The following CTNNA3 variants were observed in gnomAD, a reference collection of about 807,000 sequenced individuals.
CTNNA3 encodes the protein catenin alpha-3.
A neutral mutation model predicts 95.7 loss-of-function variants in CTNNA3; 76 were observed. The ratio of observed to expected loss-of-function variants is 0.79; its 90% CI spans 0.66 to 0.96. The LOEUF is 0.96. CTNNA3 is among the 40% of genes least tolerant of loss of function. The pLI, the probability that CTNNA3 is intolerant of heterozygous loss-of-function variation, is 0.00. For synonymous variants in CTNNA3, 431 were observed against 374.4 expected (o/e 1.15, Z -1.74); for missense variants, 1,191 against 1,089.8 (o/e 1.09, Z -1.31).
intron 10 of CTNNA3, among the ~76,000 whole-genome samples, chr10:66,590,391 C>T (rs959523163): frequency 2.0e-5 from 3 of 152,064 alleles, no homozygotes; most frequent in African/African-American, 7.2e-5. Flanking sequence ...TACCAGACAA[C>T]TGGATACTGG....
intron 13 of CTNNA3, among the ~76,000 whole-genome samples, chr10:66,211,343 G>C (rs1243776756): frequency 6.6e-6 from 1 of 152,190 alleles, no homozygotes; most frequent in Non-Finnish European, 1.5e-5. Flanking sequence ...AAGGGCTCCA[G>C]ATATGGGGAC....
At chr10:65,952,890 C>A (rs888577030) in intron 17 of CTNNA3, among the ~76,000 whole-genome samples, 12 of 152,266 alleles carry the variant, frequency 7.9e-5, no homozygotes, top group African/African-American at 2.9e-4. Flanking sequence ...GGCTTTGGCA[C>A]ACCTGCCTCA....
intron 7 of CTNNA3, among the ~76,000 whole-genome samples, chr10:66,845,703 CAAAAAA>C (rs61085873): frequency 0.15 from 3,527 of 23,546 alleles, 415 homozygotes; most frequent in African/African-American, 0.34. Context: ...AACTCTGTCT[CAAAAAA>C]AAAAAAAAAA....
intron 7 of CTNNA3, among the ~76,000 whole-genome samples, chr10:66,813,868 G>C (rs202233028): frequency 7.3e-6 from 1 of 137,194 alleles, no homozygotes; most frequent in African/African-American, 2.7e-5. Context: ...GTGTGTGTGT[G>C]TGTTTGAAAG....
chr10:66,503,475 A>ATT (rs71466884), intron 11 of CTNNA3, among the ~76,000 whole-genome samples: 22,720 of 149,304 alleles, frequency 0.15, 1,753 homozygotes, highest in Middle Eastern at 0.18. Context: ...CCAAAAACAG[A>ATT]TTTTTTTTTT....
chr10:67,583,937 G>T (rs1034778430), intron 3 of CTNNA3, among the ~76,000 whole-genome samples: 2 of 152,082 alleles, frequency 1.3e-5, no homozygotes, highest in African/African-American at 4.8e-5. Context: ...TCTCTATGCT[G>T]CTTATTCTAG....
intron 13 of CTNNA3, among the ~76,000 whole-genome samples, chr10:66,278,897 T>C (rs556076174): frequency 3.8e-4 from 58 of 152,200 alleles, no homozygotes; most frequent in African/African-American, 1.3e-3. Flanking sequence ...TTATTACTAG[T>C]CCACTAATCC....
Position 67,089,124 on chromosome 10 carries a change from A to G in CTNNA3, c.1047+91193T>C, listed in dbSNP as rs541997999. Among the ~76,000 whole-genome samples, 246 of 152,068 alleles carry G rather than the reference A, an allele frequency of 1.6e-3. 1 individual carries two copies. The highest frequency in any genetic ancestry group is 5.6e-3 in the African/African-American group (233 of 41,516). On this transcript the variant is annotated intron_variant, in intron 7 of 17. Coordinates refer to ENST00000433211, the MANE Select transcript of CTNNA3 (RefSeq NM_013266.4). The stretch of plus-strand genomic sequence containing the variant: ...CTTACATAAACCTAAGGGACCCCCC[A>G]TAGGTTTTGCTATCGGGAGTCCTAG...
intron 1 of CTNNA3, among the ~76,000 whole-genome samples, chr10:67,749,168 C>T (rs1841390922): frequency 6.6e-6 from 1 of 152,064 alleles, no homozygotes; most frequent in South Asian, 2.1e-4. Context: ...AAAACAAGTT[C>T]CTAGAGACCT....
chr10:65,938,018 T>C (rs1589148902), intron 17 of CTNNA3, among the ~76,000 whole-genome samples: 2 of 110,382 alleles, frequency 1.8e-5, no homozygotes, highest in Admixed American at 2.0e-4. Flanking sequence ...TGATGTTGTC[T>C]TTGATAAGAA....
intron 14 of CTNNA3, among the ~76,000 whole-genome samples, chr10:66,099,788 T>C (rs1209291097): frequency 1.3e-5 from 2 of 152,200 alleles, no homozygotes; most frequent in Non-Finnish European, 2.9e-5. Context: ...ATTCCATTAA[T>C]GATACATCAG....
intron 13 of CTNNA3, among the ~76,000 whole-genome samples, chr10:66,112,074 T>C (rs1023353178): frequency 1.3e-5 from 2 of 152,186 alleles, no homozygotes; most frequent in African/African-American, 4.8e-5. Flanking sequence ...TCAACGCTAG[T>C]GAAGATTCGG....
At chr10:67,280,898 T>G (rs990032928) in intron 5 of CTNNA3, among the ~76,000 whole-genome samples, 1 of 152,198 alleles carries the variant, frequency 6.6e-6, no homozygotes, top group Non-Finnish European at 1.5e-5. Flanking sequence ...TACCCATGTA[T>G]GTGCACAATA....
At chr10:67,333,644 C>T (rs1841880759) in intron 5 of CTNNA3, among the ~76,000 whole-genome samples, 1 of 152,110 alleles carries the variant, frequency 6.6e-6, no homozygotes, top group African/African-American at 2.4e-5. Context: ...ATTTCATACC[C>T]ATGCTATTTT....
chr10:67,446,205 C>T (rs895530308), intron 5 of CTNNA3, among the ~76,000 whole-genome samples: 3 of 152,120 alleles, frequency 2.0e-5, no homozygotes, highest in African/African-American at 4.8e-5. Context: ...TAAGCCTACA[C>T]CCCTTCTAAC....
intron 5 of CTNNA3, among the ~76,000 whole-genome samples, chr10:67,504,978 C>CA (rs894277405): frequency 4.8e-4 from 73 of 152,266 alleles, no homozygotes; most frequent in African/African-American, 1.7e-3. Flanking sequence ...TAACTATGCC[C>CA]AATCTTAATA....
chr10:66,617,739 G>A (rs1844575803), intron 10 of CTNNA3, among the ~76,000 whole-genome samples: 1 of 151,986 alleles, frequency 6.6e-6, no homozygotes, highest in African/African-American at 2.4e-5. Context: ...AGAAATAAAG[G>A]GTATTCAGTT....
intron 13 of CTNNA3, among the ~76,000 whole-genome samples, chr10:66,234,811 A>C (rs1422216090): frequency 6.6e-6 from 1 of 152,202 alleles, no homozygotes; most frequent in Non-Finnish European, 1.5e-5. Context: ...TATGAACAGA[A>C]TGAAGCAAAA....
In CTNNA3 at chr10:66,458,664, A is replaced by G. The variant is rs181482842; in HGVS notation, c.1531+61953T>C. On this transcript the variant is annotated intron_variant, in intron 11 of 17. Coordinates refer to ENST00000433211, the MANE Select transcript of CTNNA3 (RefSeq NM_013266.4). ...TTAACTATTCTAGGTGTGTCTTATT[A>G]GTAGAATCAGACAATATTTGTCCTT... 5.9e-5 allele frequency among the ~76,000 whole-genome samples: 9 copies of G among 152,306 alleles called. No individual in the cohort carries two copies. In the East Asian group the frequency reaches 1.5e-3, roughly 26 times the overall value.
Sources: gnomAD v4.1 joint callset for allele counts (sites outside exome capture counted in the v4.1 genomes callset) on GRCh38, gnomAD v4.1.1 for gene constraint, MANE v1.5 for transcripts, NCBI Gene and HGNC (gene_info 2026-07-23, HGNC 2026-07-21) for gene names.